Variants in PITPNM2 observed in about 807,000 individuals in gnomAD.
The protein encoded by PITPNM2 is phosphatidylinositol transfer protein membrane associated 2, also known as membrane-associated phosphatidylinositol transfer protein 2.
Under a neutral mutation model 132.2 loss-of-function variants are expected in PITPNM2, and 35 were observed. The observed-to-expected ratio is 0.26, with a 90% CI of 0.20 to 0.35. PITPNM2 has a LOEUF of 0.35. Ranked by LOEUF, PITPNM2 falls within the 10% of genes least tolerant of loss-of-function variation. The pLI, the probability that PITPNM2 is intolerant of heterozygous loss-of-function variation, is 1.00. For synonymous variants in PITPNM2, 738 were observed against 799.2 expected (o/e 0.92, Z 1.29); for missense variants, 1,332 against 1,912.0 (o/e 0.70, Z 5.66).
intron 16 of PITPNM2, among the ~76,000 whole-genome samples, chr12:122,990,979 C>A (rs1314044950): frequency 6.6e-6 from 1 of 152,158 alleles, no homozygotes; most frequent in Non-Finnish European, 1.5e-5. Flanking sequence ...CACCCTCCTG[C>A]CCCACACACA....
chr12:122,990,688 T>C lies in PITPNM2; in HGVS notation c.2426A>G (p.Asn809Ser), dbSNP rs760489588. Residue 809 changes from asparagine to serine, a missense_variant, in exon 17 of 26, where the codon AAT (asparagine) becomes AGT (serine). Physicochemically the swap from Asn to Ser is conservative, Grantham distance 46. Transcript: ENST00000320201. ...TLLADVLQTH[N>S]AAFQEHGAPS... Reference sequence around the variant, plus strand: ...GGCGCCATGCTCTTGGAAGGCTGCATTGTGGGTCTGGAGCACATCCGCTGC... The same window carrying C: ...GGCGCCATGCTCTTGGAAGGCTGCACTGTGGGTCTGGAGCACATCCGCTGC... The C allele has an allele frequency of 6.8e-6, 11 of 1,610,522 alleles. No homozygotes were observed. Among genetic ancestry groups the C allele is most frequent in the South Asian group, 6.6e-5 (6 of 90,798 alleles).
chr12:123,039,519 T>C (rs1445013735), intron 2 of PITPNM2, among the ~76,000 whole-genome samples: 1 of 152,192 alleles, frequency 6.6e-6, no homozygotes, highest in African/African-American at 2.4e-5. Context: ...TTCCATAGCA[T>C]AGAAGTTGGT....
rs549085997 is a variant in PITPNM2 at position 123,077,306 on chromosome 12, G to A, written c.-96+33079C>T. On this transcript the variant is annotated intron_variant, in intron 2 of 25. Coordinates refer to ENST00000320201, the MANE Select transcript of PITPNM2 (RefSeq NM_020845.3). The surrounding 1 kb of genome is among the most constrained non-coding windows in gnomAD (Gnocchi z 4.8). ...GGAGGGACACCCCTTGTTATCAGGG[G>A]TGGAGAGGGACAAAACATTTCCTCA... is the stretch of plus-strand genomic sequence containing the variant. 6.6e-6 allele frequency among the ~76,000 whole-genome samples: 1 copy of A among 152,260 alleles called. No homozygotes were observed. The highest frequency in any genetic ancestry group is 2.1e-4 in the South Asian group (1 of 4,820).
At position 123,063,980 on chromosome 12, in the gene PITPNM2, C is replaced by T. The variant is rs77571482; in HGVS notation, c.-95-29295G>A. On this transcript the variant is annotated intron_variant, in intron 2 of 25. Coordinates refer to ENST00000320201, the MANE Select transcript of PITPNM2 (RefSeq NM_020845.3). ...TCAATGTAAAGCACCCAGCACACAA[C>T]ACCCAAGCAACAGCAGCAGCCGCTA... is the stretch of plus-strand genomic sequence containing the variant. Among the ~76,000 whole-genome samples, 49 of 152,002 alleles carry T rather than the reference C, an allele frequency of 3.2e-4. No homozygotes were observed. In the East Asian group the frequency reaches 7.7e-3, roughly 24 times the overall value.
intron 13 of PITPNM2, among the ~76,000 whole-genome samples, chr12:122,996,071 C>T (rs578152097): frequency 3.6e-4 from 55 of 152,214 alleles, no homozygotes; most frequent in Non-Finnish European, 6.8e-4. Context: ...AACCTTTGCC[C>T]TTCCCATCCT....
At chr12:123,094,011 G>A (rs140869487) in intron 2 of PITPNM2, among the ~76,000 whole-genome samples, 12 of 152,318 alleles carry the variant, frequency 7.9e-5, no homozygotes, top group African/African-American at 2.6e-4. Context: ...CGGAGGCTGC[G>A]GCTGGCCCAG....
chr12:123,034,404 G>T, intron 3 of PITPNM2, 109 bp downstream of exon 3: 1 of 1,000,350 alleles, frequency 1.0e-6, no homozygotes, highest in Non-Finnish European at 1.5e-6. Flanking sequence ...GAAGTTCTGG[G>T]GCAGGCACTG....
chr12:123,113,850 A>T (rs2042887315), intron 1 of PITPNM2, among the ~76,000 whole-genome samples: 1 of 152,112 alleles, frequency 6.6e-6, no homozygotes, highest in Non-Finnish European at 1.5e-5. Flanking sequence ...GTCACTTCCC[A>T]TCCTCCCCTC....
intron 2 of PITPNM2, among the ~76,000 whole-genome samples, chr12:123,047,055 T>C (rs2040685915): frequency 6.6e-6 from 1 of 152,230 alleles, no homozygotes; most frequent in Non-Finnish European, 1.5e-5. Flanking sequence ...TTCTTCAGAA[T>C]GATCTCCCAA....
intron 1 of PITPNM2, among the ~76,000 whole-genome samples, chr12:123,141,333 C>T (rs1056408405): frequency 7.2e-5 from 11 of 152,198 alleles, no homozygotes; most frequent in Non-Finnish European, 1.6e-4. Context: ...CCATGCACTG[C>T]GGTGTCTTAG....
chr12:123,005,102 G>A lies in PITPNM2; in HGVS notation c.952+138C>T. 1 of 1,078,450 alleles carries A rather than the reference G, an allele frequency of 9.3e-7. No homozygotes were observed. The highest frequency in any genetic ancestry group is 1.5e-5 in the South Asian group (1 of 64,910). The allele number at this position is 1,078,450 out of a possible 1,614,324, so 66.8% of individuals were successfully genotyped here. A position where few individuals can be genotyped will look rare whatever the true frequency, so the allele number is the denominator to read the frequency against. On this transcript the variant is annotated intron_variant, in intron 7 of 25. Coordinates refer to ENST00000320201, the MANE Select transcript of PITPNM2 (RefSeq NM_020845.3). The surrounding 1 kb of genome is among the most constrained non-coding windows in gnomAD (Gnocchi z 6.2). ...TCCCTGTGTGCGAGGACTAGCCCAG[G>A]GCTCTGACTCCCTCTGGGCTTGGTG...
chr12:122,994,774 C>T lies in PITPNM2; in HGVS notation c.2233+27G>A, dbSNP rs781381826. 2.5e-6 allele frequency: 4 copies of T among 1,598,042 alleles called. No individual in the cohort carries two copies. Among genetic ancestry groups the T allele is most frequent in the Admixed American group, 3.4e-5 (2 of 59,254 alleles). ...GCCCCCGCACCCAGTGCATGTACCC[C>T]CCATCCTGCCCCTGCTGGGCTCTCA... On this transcript the variant is annotated intron_variant, in intron 15 of 25. Coordinates refer to ENST00000320201, the MANE Select transcript of PITPNM2 (RefSeq NM_020845.3). The surrounding 1 kb of genome is among the most constrained non-coding windows in gnomAD (Gnocchi z 5.4).
chr12:123,085,475 G>T (rs2042085763), intron 2 of PITPNM2, among the ~76,000 whole-genome samples: 1 of 152,168 alleles, frequency 6.6e-6, no homozygotes, highest in African/African-American at 2.4e-5. Context: ...CAAATCCATA[G>T]AGACAAAGAG....
intron 6 of PITPNM2, among the ~76,000 whole-genome samples, chr12:123,007,105 T>G (rs772271408): frequency 5.9e-5 from 9 of 152,202 alleles, no homozygotes; most frequent in Non-Finnish European, 1.2e-4. Context: ...CCTTCTGGTC[T>G]CAGCACACAG....
At position 123,099,772 on chromosome 12, in the gene PITPNM2, C is replaced by A. The variant is rs946141572; in HGVS notation, c.-96+10613G>T. Among the ~76,000 whole-genome samples, 1 of 152,126 alleles carries A rather than the reference C, an allele frequency of 6.6e-6. No individual in the cohort carries two copies. The highest frequency in any genetic ancestry group is 2.1e-4 in the South Asian group (1 of 4,824). On this transcript the variant is annotated intron_variant, in intron 2 of 25. Transcript: ENST00000320201. This position sits in a 1 kb window ranked among gnomAD's most constrained non-coding sequence, Gnocchi z 4.2. ...ACAGCCTCTCAGATCCCACAGCTGG[C>A]GCACTATCCTTAGGAAGCCCCTCCA...
intron 2 of PITPNM2, among the ~76,000 whole-genome samples, chr12:123,073,710 A>C (rs2041686092): frequency 6.6e-6 from 1 of 152,248 alleles, no homozygotes; most frequent in African/African-American, 2.4e-5. Flanking sequence ...TAGCAGAATA[A>C]CAGTGGATCA....
Position 123,056,882 on chromosome 12 carries a change from C to T in PITPNM2, c.-95-22197G>A, listed in dbSNP as rs1041087496. 2.0e-5 allele frequency among the ~76,000 whole-genome samples: 3 copies of T among 152,160 alleles called. No individual in the cohort carries two copies. In the East Asian group the frequency reaches 5.8e-4, roughly 29 times the overall value. On this transcript the variant is annotated intron_variant, in intron 2 of 25. Coordinates refer to ENST00000320201, the MANE Select transcript of PITPNM2 (RefSeq NM_020845.3). ...TTTGCAGACCCAGGAGGTGGCAGTT[C>T]ACTGAGGTCTAGCCCCTGGCCTTGA...
At chr12:123,070,887 G>A (rs1275265716) in intron 2 of PITPNM2, among the ~76,000 whole-genome samples, 1 of 152,234 alleles carries the variant, frequency 6.6e-6, no homozygotes, top group Non-Finnish European at 1.5e-5. Context: ...TCATGTTGGG[G>A]CCACATGGAA....
chr12:123,133,943 A>G (rs1385539202), intron 1 of PITPNM2, among the ~76,000 whole-genome samples: 1 of 152,174 alleles, frequency 6.6e-6, no homozygotes, highest in Non-Finnish European at 1.5e-5. Flanking sequence ...TGGCCTCCCA[A>G]GTGCTGAGAT....
Sources: gnomAD v4.1 joint callset for allele counts (sites outside exome capture counted in the v4.1 genomes callset) on GRCh38, gnomAD v4.1.1 for gene constraint, Gnocchi (gnomAD v3.1) non-coding constraint, MANE v1.5 for transcripts, NCBI Gene and HGNC (gene_info 2026-07-23, HGNC 2026-07-21) for gene names.